Variants in DRC8 observed in about 807,000 individuals in gnomAD.
DRC8 encodes dynein regulatory complex protein 8.
chr1:244,971,958 CAAAA>C, the DRC8 span, among the ~76,000 whole-genome samples: 36 of 107,218 alleles, frequency 3.4e-4, no homozygotes, highest in African/African-American at 1.2e-3. Flanking sequence ...TGTTCTTTAC[CAAAA>C]AAAAAAAAAA....
chr1:244,983,028 C>T, the DRC8 span, among the ~76,000 whole-genome samples: 6 of 151,954 alleles, frequency 3.9e-5, no homozygotes, highest in Non-Finnish European at 7.4e-5. Context: ...TGATATCGCG[C>T]CATTGCAAGA....
chr1:245,009,743 A>G, the DRC8 span, among the ~76,000 whole-genome samples: 1 of 152,226 alleles, frequency 6.6e-6, no homozygotes, highest in East Asian at 1.9e-4. Flanking sequence ...CTGGGATTAC[A>G]GGCGTGAGCC....
chr1:245,090,364 A>C, the DRC8 span, among the ~76,000 whole-genome samples: 315 of 152,250 alleles, frequency 2.1e-3, 1 homozygote, highest in Non-Finnish European at 3.8e-3. Context: ...TTTCCCTTGA[A>C]ATTTCGCTTC....
the DRC8 span, among the ~76,000 whole-genome samples, chr1:245,006,450 G>A: frequency 0.11 from 16,069 of 152,016 alleles, 949 homozygotes; most frequent in East Asian, 0.24. Flanking sequence ...ACAGGCGCAT[G>A]CCACCACACC....
chr1:245,025,831 A>T, the DRC8 span, among the ~76,000 whole-genome samples: 3 of 152,194 alleles, frequency 2.0e-5, no homozygotes, highest in East Asian at 5.8e-4. Context: ...AGATGATTTT[A>T]TAAAGGGCAG....
the DRC8 span, among the ~76,000 whole-genome samples, chr1:245,019,399 T>C: frequency 6.6e-6 from 1 of 152,160 alleles, no homozygotes; most frequent in Non-Finnish European, 1.5e-5. Flanking sequence ...TTTAAAAAAT[T>C]CGTTTAAAGA....
chr1:245,042,914 G>A, the DRC8 span, among the ~76,000 whole-genome samples: 1 of 151,944 alleles, frequency 6.6e-6, no homozygotes, highest in African/African-American at 2.4e-5. Context: ...AAGCTTCCCC[G>A]GGTCAAACAT....
At chr1:245,029,601 G>GTT in the DRC8 span, among the ~76,000 whole-genome samples, 1 of 129,728 alleles carries the variant, frequency 7.7e-6, no homozygotes, top group Non-Finnish European at 1.6e-5. Flanking sequence ...GCCCAGCCCT[G>GTT]TTTTTTTTTT....
chr1:245,049,165 A>G, the DRC8 span, among the ~76,000 whole-genome samples: 287 of 152,144 alleles, frequency 1.9e-3, 2 homozygotes, highest in African/African-American at 6.5e-3. The surrounding 1 kb of genome is among the most constrained non-coding windows in gnomAD (Gnocchi z 4.5). Context: ...TTGTATTTCT[A>G]GTAGAGACAA....
At chr1:245,111,801 T>A in the DRC8 span, among the ~76,000 whole-genome samples, 7 of 152,136 alleles carry the variant, frequency 4.6e-5, no homozygotes, top group Non-Finnish European at 7.4e-5. Context: ...TTTGGGAGGC[T>A]GAGGCAGGAG....
the DRC8 span, among the ~76,000 whole-genome samples, chr1:245,009,113 G>T: frequency 1.6e-5 from 2 of 126,222 alleles, no homozygotes; most frequent in East Asian, 5.1e-4. Flanking sequence ...TCAGCTCACT[G>T]CAACCTCCAC....
chr1:245,059,487 C>G, the DRC8 span: 1 of 1,587,920 alleles, frequency 6.3e-7, no homozygotes. Flanking sequence ...TTTCATTCAG[C>G]CAGCTCTCTG....
At chr1:245,083,790 C>G in the DRC8 span, 1 of 1,461,350 alleles carries the variant, frequency 6.8e-7, no homozygotes, top group Non-Finnish European at 9.1e-7. Context: ...ATCAGTCATT[C>G]TGGTGAAAGT....
chr1:244,984,363 T>C, the DRC8 span, among the ~76,000 whole-genome samples: 1 of 152,158 alleles, frequency 6.6e-6, no homozygotes, highest in African/African-American at 2.4e-5. Context: ...GTGGAAATGA[T>C]AGGAAACTAG....
At chr1:245,080,857 C>A in the DRC8 span, among the ~76,000 whole-genome samples, 22 of 152,294 alleles carry the variant, frequency 1.4e-4, no homozygotes, top group East Asian at 3.9e-4. Flanking sequence ...GACAAGAAGG[C>A]CCTGCCGTCG....
the DRC8 span, among the ~76,000 whole-genome samples, chr1:245,099,634 G>T: frequency 6.6e-6 from 1 of 152,226 alleles, no homozygotes; most frequent in Non-Finnish European, 1.5e-5. Context: ...ATTCTGCCCC[G>T]TTTGCAAGTG....
the DRC8 span, among the ~76,000 whole-genome samples, chr1:245,003,030 T>G: frequency 6.6e-6 from 1 of 152,214 alleles, no homozygotes. Flanking sequence ...TTCAGATAAG[T>G]GGAGTCATAC....
the DRC8 span, among the ~76,000 whole-genome samples, chr1:245,030,280 G>A: frequency 6.6e-6 from 1 of 152,206 alleles, no homozygotes; most frequent in African/African-American, 2.4e-5. Flanking sequence ...GTCATGCTCT[G>A]TCAGGTTGGA....
At chr1:245,001,138 A>G in the DRC8 span, among the ~76,000 whole-genome samples, 1 of 152,210 alleles carries the variant, frequency 6.6e-6, no homozygotes, top group African/African-American at 2.4e-5. Flanking sequence ...ATGTTTATGT[A>G]TACTTGTTAA....
Sources: allele counts gnomAD v4.1 joint callset (sites outside exome capture counted in the v4.1 genomes callset), GRCh38; gene constraint gnomAD v4.1.1; non-coding constraint Gnocchi (gnomAD v3.1); transcripts MANE v1.5; gene names NCBI Gene and HGNC (gene_info 2026-07-23, HGNC 2026-07-21).